Variants in CNBD1 observed in about 807,000 individuals in gnomAD.
CNBD1 encodes cyclic nucleotide binding domain containing 1.
A neutral mutation model predicts 54.4 loss-of-function variants in CNBD1; 71 were observed. That is an observed-to-expected ratio of 1.30 (90% CI 1.08 to 1.59). The LOEUF is 1.59. Ranked by LOEUF, CNBD1 falls within the 40% of genes most tolerant of loss-of-function variation. CNBD1 has a pLI of 0.00. For missense variants in CNBD1, 659 were observed against 518.0 expected (o/e 1.27, Z -2.64); for synonymous variants, 182 against 170.7 (o/e 1.07, Z -0.51).
chr8:87,042,777 A>G (rs2130612033), intron 4 of CNBD1, among the ~76,000 whole-genome samples: 1 of 152,202 alleles, frequency 6.6e-6, no homozygotes, highest in Non-Finnish European at 1.5e-5. Flanking sequence ...ATGTAAATAT[A>G]TAAATATAAT....
chr8:87,357,528 A>C (rs993987756), intron 10 of CNBD1, among the ~76,000 whole-genome samples: 1 of 152,164 alleles, frequency 6.6e-6, no homozygotes, highest in Non-Finnish European at 1.5e-5. Context: ...TGCATGGGGA[A>C]TGTTTCCCCT....
At chr8:87,233,697 G>A (rs887278481) in intron 5 of CNBD1, among the ~76,000 whole-genome samples, 7 of 152,008 alleles carry the variant, frequency 4.6e-5, no homozygotes, top group South Asian at 4.2e-4. Context: ...CTTGAACTCC[G>A]GGGCTCAAGT....
In CNBD1 at chr8:87,314,519, C is replaced by CT. The variant is rs1809339789; in HGVS notation, c.1042+27848_1042+27849insT. On this transcript the variant is annotated intron_variant, in intron 8 of 10. Transcript: ENST00000518476. ...AAGTCAGCTACATTCTTACAGTAAA[C>CT]ACCAGAACCATTGCCATGAAAGTGA... Among the ~76,000 whole-genome samples the CT allele has an allele frequency of 2.6e-5, 4 of 151,760 alleles. No individual in the cohort carries two copies. In the Admixed American group the frequency reaches 2.6e-4, roughly 10 times the overall value.
In CNBD1 at chr8:86,866,555, GCCT is replaced by G; in HGVS notation, c.69_71del (p.Pro24del). ...CTCACATGACAGCTATTAACAATGT[GCCT>G]CCTCCTCCACTTCACAGTATACCAA... On this transcript the variant is annotated inframe_deletion, in exon 1 of 11. Transcript: ENST00000518476. 1 of 1,611,394 alleles carries G rather than the reference GCCT, an allele frequency of 6.2e-7. No individual in the cohort carries two copies. Among genetic ancestry groups the G allele is most frequent in the Non-Finnish European group, 8.5e-7 (1 of 1,178,750 alleles).
intron 4 of CNBD1, among the ~76,000 whole-genome samples, chr8:86,988,279 A>C (rs1808656172): frequency 6.6e-6 from 1 of 151,814 alleles, no homozygotes; most frequent in Non-Finnish European, 1.5e-5. Context: ...TAGGTTTTCT[A>C]ATTTGCGTGC....
chr8:87,081,344 C>T (rs1280680838), intron 4 of CNBD1, among the ~76,000 whole-genome samples: 1 of 151,776 alleles, frequency 6.6e-6, no homozygotes, highest in Non-Finnish European at 1.5e-5. Flanking sequence ...AGTTGAATTC[C>T]CTTGAGATAA....
At chr8:87,407,536 A>G (rs1807671184) in intron 2 of CNBD1, among the ~76,000 whole-genome samples, 1 of 151,978 alleles carries the variant, frequency 6.6e-6, no homozygotes, top group Non-Finnish European at 1.5e-5. Context: ...CTAGATTATA[A>G]TTAATATATA....
chr8:87,329,046 A>T (rs1018156847), intron 8 of CNBD1, among the ~76,000 whole-genome samples: 2 of 150,464 alleles, frequency 1.3e-5, no homozygotes, highest in Non-Finnish European at 1.5e-5. Context: ...TAGGAGTTTT[A>T]TTTTTTTTTA....
intron 6 of CNBD1, among the ~76,000 whole-genome samples, chr8:87,252,041 A>G (rs1022979815): frequency 5.9e-5 from 9 of 152,094 alleles, no homozygotes; most frequent in African/African-American, 2.2e-4. Flanking sequence ...AGTGTTTTTG[A>G]AGAAACAACA....
chr8:87,422,648 C>A (rs1156845412), intron 2 of CNBD1, among the ~76,000 whole-genome samples: 3 of 152,110 alleles, frequency 2.0e-5, no homozygotes, highest in Non-Finnish European at 4.4e-5. Flanking sequence ...TGTTTAGGTA[C>A]CAGTACCATG....
At chr8:87,423,252 T>C (rs982419417) in intron 2 of CNBD1, among the ~76,000 whole-genome samples, 51 of 151,834 alleles carry the variant, frequency 3.4e-4, no homozygotes, top group African/African-American at 1.0e-3. Flanking sequence ...CTTTTCCTAA[T>C]TGAATACCCT....
chr8:87,424,465 G>A (rs1038894139), intron 2 of CNBD1, among the ~76,000 whole-genome samples: 2 of 152,098 alleles, frequency 1.3e-5, no homozygotes, highest in African/African-American at 2.4e-5. Flanking sequence ...CAGAGATTCT[G>A]GTATGTTGTG....
At chr8:87,367,710 C>A (rs147528032) in intron 10 of CNBD1, among the ~76,000 whole-genome samples, 15 of 152,132 alleles carry the variant, frequency 9.9e-5, no homozygotes, top group African/African-American at 3.6e-4. Context: ...TTTAATAGCC[C>A]TATTTTGTGG....
At chr8:86,983,189 A>C (rs529659385) in intron 4 of CNBD1, among the ~76,000 whole-genome samples, 4 of 152,128 alleles carry the variant, frequency 2.6e-5, no homozygotes, top group Admixed American at 2.6e-4. Flanking sequence ...CATGATAGTG[A>C]ATAAGTCTCA....
intron 6 of CNBD1, among the ~76,000 whole-genome samples, chr8:87,280,636 G>T (rs1808582968): frequency 1.3e-5 from 2 of 151,294 alleles, no homozygotes; most frequent in Non-Finnish European, 3.0e-5. Flanking sequence ...AAAAAATAAG[G>T]ACAAAAATTA....
chr8:87,215,594 A>T (rs1814192647), intron 5 of CNBD1, among the ~76,000 whole-genome samples: 6 of 152,200 alleles, frequency 3.9e-5, no homozygotes, highest in Admixed American at 3.9e-4. Flanking sequence ...TCTCAAAAAA[A>T]AAAAAAAAAA....
intron 6 of CNBD1, among the ~76,000 whole-genome samples, chr8:87,261,977 C>A (rs1288433900): frequency 7.9e-6 from 1 of 126,796 alleles, no homozygotes; most frequent in African/African-American, 2.7e-5. Flanking sequence ...AAAACTCTGT[C>A]TTTACAAAAA....
At chr8:87,376,453 AT>A (rs1810939370) in intron 10 of CNBD1, among the ~76,000 whole-genome samples, 1 of 151,904 alleles carries the variant, frequency 6.6e-6, no homozygotes, top group African/African-American at 2.4e-5. Context: ...CAACCTATGA[AT>A]TTTTGAGGGA....
intron 4 of CNBD1, among the ~76,000 whole-genome samples, chr8:87,051,560 T>G (rs1031700378): frequency 1.3e-5 from 2 of 152,240 alleles, no homozygotes; most frequent in African/African-American, 2.4e-5. Context: ...AAGCATTGTT[T>G]CTATAGATTA....
Sources: allele counts gnomAD v4.1 joint callset (sites outside exome capture counted in the v4.1 genomes callset), GRCh38; gene constraint gnomAD v4.1.1; transcripts MANE v1.5; gene names NCBI Gene and HGNC (gene_info 2026-07-23, HGNC 2026-07-21).